SLC30A8: variants seen among roughly 807,000 people sequenced by gnomAD.
SLC30A8 encodes proton-coupled zinc antiporter SLC30A8.
A neutral mutation model predicts 36.9 loss-of-function variants in SLC30A8; 27 were observed. The observed-to-expected ratio is 0.73, with a 90% confidence interval of 0.54 to 1.01. The LOEUF (loss-of-function observed/expected upper bound fraction) is 1.01. SLC30A8 is among the 50% of genes least tolerant of loss of function. The pLI, the probability that SLC30A8 is intolerant of heterozygous loss-of-function variation, is 0.00. For missense variants in SLC30A8, 439 were observed against 452.0 expected (o/e 0.97, Z 0.26); for synonymous variants, 164 against 172.4 (o/e 0.95, Z 0.38).
At chr8:116,976,800 T>A (rs575767000) in intron 1 of SLC30A8, among the ~76,000 whole-genome samples, 38 of 11,602 alleles carry the variant, frequency 3.3e-3, no homozygotes, top group African/African-American at 0.013. Context: ...CCTTTTATTT[T>A]TCTTTCTTTC....
Position 117,167,261 on chromosome 8 carries a change from G to A in SLC30A8, c.829+3731G>A, listed in dbSNP as rs1290577412. 2.0e-5 allele frequency among the ~76,000 whole-genome samples: 3 copies of A among 151,988 alleles called. 1 individual carries two copies. The highest frequency in any genetic ancestry group is 4.1e-4 in the South Asian group (2 of 4,820). On this transcript the variant is annotated intron_variant, in intron 6 of 7. Coordinates refer to ENST00000456015, the MANE Select transcript of SLC30A8 (RefSeq NM_173851.3). ...ACTACGTCAGCTAGTTATAGAAACT[G>A]GCAGATAACTCCTTTCTGGAAGACA...
chr8:117,130,693 A>G (rs1235601771), upstream of SLC30A8, among the ~76,000 whole-genome samples: 1 of 151,984 alleles, frequency 6.6e-6, no homozygotes, highest in Non-Finnish European at 1.5e-5. Context: ...GCCTTTTTAT[A>G]TAAATAAAAA....
chr8:117,172,763 A>T lies in SLC30A8; in HGVS notation c.*82A>T, dbSNP rs1048683115. 6.8e-6 allele frequency: 10 copies of T among 1,478,750 alleles called. No homozygotes were observed. Among genetic ancestry groups the T allele is most frequent in the Non-Finnish European group, 7.4e-6 (8 of 1,076,360 alleles). The allele number at this position is 1,478,750 out of a possible 1,614,324, so 91.6% of individuals were successfully genotyped here. A position where few individuals can be genotyped will look rare whatever the true frequency, so the allele number is the denominator to read the frequency against. On this transcript the variant is annotated 3_prime_UTR_variant, in exon 8 of 8. Transcript: ENST00000456015. ...TGCAGTTTCTGCATCATAGAAAATA[A>T]GGAACCAAAGGAAGAAATTCATGTC...
At chr8:116,984,483 A>AT (rs1354013414) in intron 1 of SLC30A8, among the ~76,000 whole-genome samples, 4 of 151,904 alleles carry the variant, frequency 2.6e-5, no homozygotes, top group Non-Finnish European at 5.9e-5. Flanking sequence ...TATAGTTATT[A>AT]TTTTTTTATT....
At chr8:117,018,345 ATAT>A (rs1290091906) in intron 1 of SLC30A8, 2 of 152,318 alleles carry the variant, frequency 1.3e-5, no homozygotes, top group South Asian at 2.1e-4. Flanking sequence ...TATATCAAAA[ATAT>A]TATTTCAACA....
chr8:116,951,302 C>T (rs977845105), intron 1 of SLC30A8, among the ~76,000 whole-genome samples: 9 of 152,082 alleles, frequency 5.9e-5, no homozygotes, highest in African/African-American at 1.9e-4. Context: ...GGTGGTGATA[C>T]CAAAAGGTTG....
At chr8:117,015,196 G>A (rs1002286651) in intron 1 of SLC30A8, among the ~76,000 whole-genome samples, 80 of 151,726 alleles carry the variant, frequency 5.3e-4, no homozygotes, top group African/African-American at 1.7e-3. Flanking sequence ...AAAGTTCCCC[G>A]CTATCTGACT....
chr8:116,998,406 G>A lies in SLC30A8; in HGVS notation c.-265-40813G>A, dbSNP rs146305534. Among the ~76,000 whole-genome samples the A allele has an allele frequency of 2.0e-3, 302 of 152,276 alleles. 1 individual carries two copies. The highest frequency in any genetic ancestry group is 6.9e-3 in the African/African-American group (286 of 41,568). Reference sequence around the variant, plus strand: ...AAAATGAAAAGCTGGGAAAAATGCTGCAAATTACTGCCTGAGTCAAAGTAC... The same window carrying A: ...AAAATGAAAAGCTGGGAAAAATGCTACAAATTACTGCCTGAGTCAAAGTAC... On this transcript the variant is annotated intron_variant, in intron 1 of 10. Transcript: ENST00000427715.
At chr8:117,024,098 G>A (rs1286341121) in intron 1 of SLC30A8, among the ~76,000 whole-genome samples, 1 of 152,144 alleles carries the variant, frequency 6.6e-6, no homozygotes, top group East Asian at 1.9e-4. Flanking sequence ...TAGTATCAAT[G>A]TTTTGAAAAT....
At chr8:116,961,540 C>A (rs1242777175) in intron 1 of SLC30A8, among the ~76,000 whole-genome samples, 1 of 151,926 alleles carries the variant, frequency 6.6e-6, no homozygotes, top group Non-Finnish European at 1.5e-5. Context: ...AATAAAACTG[C>A]AGAATGGTTG....
chr8:116,969,579 C>T (rs993802774), intron 1 of SLC30A8, among the ~76,000 whole-genome samples: 7 of 152,156 alleles, frequency 4.6e-5, no homozygotes, highest in Admixed American at 1.3e-4. Context: ...TGTCATTGCG[C>T]AGACCTCATA....
At chr8:117,148,672 A>G (rs1165964747) in intron 2 of SLC30A8, among the ~76,000 whole-genome samples, 1 of 152,098 alleles carries the variant, frequency 6.6e-6, no homozygotes, top group Non-Finnish European at 1.5e-5. Context: ...GGAATATGTT[A>G]TGTTTCTCCG....
intron 2 of SLC30A8, among the ~76,000 whole-genome samples, chr8:117,096,332 CA>C (rs1197622434): frequency 6.6e-6 from 1 of 152,162 alleles, no homozygotes; most frequent in African/African-American, 2.4e-5. Context: ...ACAATTCTTA[CA>C]AAATGTCTAG....
intron 2 of SLC30A8, among the ~76,000 whole-genome samples, chr8:117,108,399 T>C (rs1190138800): frequency 6.6e-6 from 1 of 152,216 alleles, no homozygotes; most frequent in African/African-American, 2.4e-5. Context: ...TTCAGACTTT[T>C]CTAATTTTAT....
At chr8:117,098,418 C>T (rs986799920) in intron 2 of SLC30A8, among the ~76,000 whole-genome samples, 1 of 152,218 alleles carries the variant, frequency 6.6e-6, no homozygotes, top group African/African-American at 2.4e-5. Context: ...GAGTATCACT[C>T]GTCTGTCCTA....
At chr8:117,002,892 T>A (rs1243939074) in intron 1 of SLC30A8, among the ~76,000 whole-genome samples, 1 of 152,190 alleles carries the variant, frequency 6.6e-6, no homozygotes, top group African/African-American at 2.4e-5. Flanking sequence ...CGTGAGCCAC[T>A]GTGCCTGGCC....
At chr8:117,041,295 T>C (rs142659398) in intron 2 of SLC30A8, among the ~76,000 whole-genome samples, 110 of 152,282 alleles carry the variant, frequency 7.2e-4, no homozygotes, top group African/African-American at 2.5e-3. Flanking sequence ...TTTGGACATA[T>C]AGCAGAAAGG....
At chr8:117,033,337 A>G (rs1271144732) in intron 1 of SLC30A8, among the ~76,000 whole-genome samples, 1 of 152,270 alleles carries the variant, frequency 6.6e-6, no homozygotes, top group Admixed American at 6.5e-5. Flanking sequence ...GAGTGCTGGC[A>G]TATGCCACAA....
chr8:117,123,790 A>G (rs1311740219), intron 2 of SLC30A8, among the ~76,000 whole-genome samples: 1 of 152,036 alleles, frequency 6.6e-6, no homozygotes, highest in Non-Finnish European at 1.5e-5. Context: ...GCTGTACAAC[A>G]TAATTAAAGT....
Sources: gnomAD v4.1 joint callset for allele counts (sites outside exome capture counted in the v4.1 genomes callset) on GRCh38, gnomAD v4.1.1 for gene constraint, MANE v1.5 for transcripts, NCBI Gene and HGNC (gene_info 2026-07-23, HGNC 2026-07-21) for gene names.